MARCHF1: variants seen among roughly 807,000 people sequenced by gnomAD.
MARCHF1 encodes membrane associated ring-CH-type finger 1, also known as E3 ubiquitin-protein ligase MARCHF1.
In MARCHF1, 40 loss-of-function variants were observed where a neutral mutation model predicts 54.2. That is an observed-to-expected ratio of 0.74 (90% CI 0.57 to 0.96). The LOEUF (loss-of-function observed/expected upper bound fraction) is 0.96, where lower values mean the gene tolerates loss of function less well. Ranked by LOEUF, MARCHF1 falls within the 40% of genes least tolerant of loss-of-function variation. MARCHF1 has a pLI of 0.00. For missense variants in MARCHF1, 586 were observed against 656.5 expected (o/e 0.89, Z 1.17); for synonymous variants, 236 against 236.3 (o/e 1.00, Z 0.01).
chr4:164,229,078 A>G (rs1302714754), intron 1 of MARCHF1, among the ~76,000 whole-genome samples: 2 of 152,164 alleles, frequency 1.3e-5, no homozygotes, highest in Non-Finnish European at 2.9e-5. Flanking sequence ...AAGGATCTCA[A>G]ATATATAGAA....
chr4:164,011,695 A>G lies in MARCHF1; in HGVS notation c.-247-22986T>C, dbSNP rs536803128. Among the ~76,000 whole-genome samples, 3 of 152,368 alleles carry G rather than the reference A, an allele frequency of 2.0e-5. No homozygotes were observed. The South Asian group carries it at 6.2e-4, about 32-fold the overall frequency. On this transcript the variant is annotated intron_variant, in intron 2 of 9. Coordinates refer to ENST00000514618, the MANE Select transcript of MARCHF1 (RefSeq NM_001394959.1). ...GGTGAGAATGTAAATTAGTACAGCT[A>G]TTACAGAGTCAGTATGAAGGTTCCC...
chr4:164,052,349 T>C (rs796568131), intron 2 of MARCHF1, among the ~76,000 whole-genome samples: 27 of 152,084 alleles, frequency 1.8e-4, no homozygotes, highest in African/African-American at 6.0e-4. Context: ...CTGGCCAACA[T>C]GGTAAAGCCA....
chr4:164,224,406 A>G (rs373165100), intron 1 of MARCHF1, among the ~76,000 whole-genome samples: 2 of 151,936 alleles, frequency 1.3e-5, no homozygotes, highest in Admixed American at 6.6e-5. Flanking sequence ...TGTGTGTCCT[A>G]GATTTCTTAC....
intron 3 of MARCHF1, among the ~76,000 whole-genome samples, chr4:163,955,200 C>G (rs1752206537): frequency 6.8e-6 from 1 of 147,102 alleles, no homozygotes; most frequent in Non-Finnish European, 1.5e-5. Context: ...TTTCCTAATC[C>G]TTACTGAACA....
intron 7 of MARCHF1, among the ~76,000 whole-genome samples, chr4:163,603,401 A>C (rs1010805629): frequency 4.6e-5 from 7 of 152,088 alleles, no homozygotes; most frequent in African/African-American, 1.4e-4. Flanking sequence ...TGTACTGCAG[A>C]GGTAAATTAT....
chr4:164,298,705 TA>T (rs1734474935), intron 1 of MARCHF1, among the ~76,000 whole-genome samples: 1 of 152,144 alleles, frequency 6.6e-6, no homozygotes, highest in Non-Finnish European at 1.5e-5. Context: ...AGGTTATGGA[TA>T]ATATATACCG....
intron 1 of MARCHF1, among the ~76,000 whole-genome samples, chr4:164,130,904 C>G (rs2915267): frequency 0.17 from 25,156 of 152,066 alleles, 2,533 homozygotes; most frequent in East Asian, 0.49. Flanking sequence ...ATGTTATAAG[C>G]TTTATTTTAA....
chr4:164,364,663 C>A (rs1730829507), intron 1 of MARCHF1, among the ~76,000 whole-genome samples: 1 of 151,426 alleles, frequency 6.6e-6, no homozygotes, highest in Admixed American at 6.6e-5. Flanking sequence ...TTTTGTAATG[C>A]CTCTGTAACC....
chr4:164,255,707 T>C (rs1372194538), intron 1 of MARCHF1, among the ~76,000 whole-genome samples: 3 of 152,104 alleles, frequency 2.0e-5, no homozygotes, highest in Admixed American at 6.6e-5. Flanking sequence ...AGTCAAATGA[T>C]ATAACAATTG....
intron 1 of MARCHF1, among the ~76,000 whole-genome samples, chr4:164,224,730 A>T (rs1471450403): frequency 1.3e-5 from 2 of 152,054 alleles, no homozygotes; most frequent in Admixed American, 1.3e-4. Flanking sequence ...TAAGTTTATA[A>T]ATATTTTAAT....
chr4:163,584,957 G>T (rs1740359648), intron 8 of MARCHF1: 1 of 152,154 alleles, frequency 6.6e-6, no homozygotes, highest in South Asian at 2.1e-4. Flanking sequence ...AGATAAATAA[G>T]TTACATGCTA....
At chr4:164,383,340 T>G (rs180870309) in intron 1 of MARCHF1, 2 of 152,424 alleles carry the variant, frequency 1.3e-5, no homozygotes, top group Non-Finnish European at 2.9e-5. Context: ...GTTGAGCGCA[T>G]CAGCGCTAAA....
At chr4:164,153,811 A>T (rs918984535) in intron 1 of MARCHF1, among the ~76,000 whole-genome samples, 7 of 152,144 alleles carry the variant, frequency 4.6e-5, no homozygotes, top group African/African-American at 1.4e-4. Context: ...GCTATTAACA[A>T]AAGTCATAAA....
intron 4 of MARCHF1, among the ~76,000 whole-genome samples, chr4:163,750,411 T>G (rs995044099): frequency 1.8e-4 from 27 of 151,616 alleles, no homozygotes; most frequent in Non-Finnish European, 5.9e-5. Context: ...CTCAGGAGGC[T>G]GGGGCAGGAG....
chr4:163,906,628 A>G (rs1490194429), intron 3 of MARCHF1, among the ~76,000 whole-genome samples: 1 of 151,970 alleles, frequency 6.6e-6, no homozygotes, highest in Non-Finnish European at 1.5e-5. Context: ...TCAGCTATGT[A>G]GCAAGTTTGC....
intron 4 of MARCHF1, among the ~76,000 whole-genome samples, chr4:163,838,173 T>C (rs1579328246): frequency 6.6e-6 from 1 of 152,096 alleles, no homozygotes; most frequent in African/African-American, 2.4e-5. Flanking sequence ...GAAAGACTGG[T>C]TCCAGGAACT....
chr4:163,550,218 A>T (rs1213979186), intron 8 of MARCHF1, among the ~76,000 whole-genome samples: 1 of 147,994 alleles, frequency 6.8e-6, no homozygotes, highest in Non-Finnish European at 1.5e-5. Flanking sequence ...GGAGGCAGAG[A>T]TTGCAGTGGG....
At chr4:163,822,306 T>C (rs902165991) in intron 4 of MARCHF1, among the ~76,000 whole-genome samples, 1 of 151,922 alleles carries the variant, frequency 6.6e-6, no homozygotes, top group Non-Finnish European at 1.5e-5. Flanking sequence ...TTGTGCAACA[T>C]GCATTCACAA....
At chr4:163,635,350 G>C (rs1224403328) in intron 5 of MARCHF1, among the ~76,000 whole-genome samples, 1 of 151,192 alleles carries the variant, frequency 6.6e-6, no homozygotes, top group African/African-American at 2.4e-5. Context: ...TAGACCGCTA[G>C]CAAGACTAAT....
Sources: allele counts gnomAD v4.1 joint callset (sites outside exome capture counted in the v4.1 genomes callset), GRCh38; gene constraint gnomAD v4.1.1; transcripts MANE v1.5; gene names NCBI Gene and HGNC (gene_info 2026-07-23, HGNC 2026-07-21).